The following CNTN4 variants were observed in gnomAD, a reference collection of about 807,000 sequenced individuals.
The protein encoded by CNTN4 is contactin 4.
In CNTN4, 77 loss-of-function variants were observed where a neutral mutation model predicts 122.5. The observed-to-expected ratio is 0.63, with a 90% CI of 0.52 to 0.76. The LOEUF is 0.76. Among genes scored for constraint, CNTN4 ranks in the 30% least tolerant of loss-of-function variants. The pLI is 0.00. For missense variants in CNTN4, 1,256 were observed against 1,259.1 expected (o/e 1.00, Z 0.04); for synonymous variants, 512 against 447.0 (o/e 1.15, Z -1.83).
intron 6 of CNTN4, among the ~76,000 whole-genome samples, chr3:2,810,398 A>T (rs2092576446): frequency 6.6e-6 from 1 of 152,196 alleles, no homozygotes; most frequent in Non-Finnish European, 1.5e-5. Context: ...GCTATTTTTA[A>T]TTCTTGCCTA....
chr3:2,962,187 A>G (rs913103581), intron 13 of CNTN4, among the ~76,000 whole-genome samples: 5 of 152,240 alleles, frequency 3.3e-5, no homozygotes, highest in African/African-American at 1.2e-4. Flanking sequence ...ACTCCCAGTA[A>G]TAGAAACTTC....
chr3:2,887,141 A>G lies in CNTN4; in HGVS notation c.857A>G (p.Gln286Arg). The change falls in exon 10 of 25, where the codon CAG becomes CGG. Residue 286 changes from glutamine (Q) to arginine (R), a missense_variant. Transcript: ENST00000418658. ...SNGILEIPNF[Q>R]QEDAGLYECV... The stretch of plus-strand genomic sequence containing the variant: ...GGAATTCTTGAGATCCCTAATTTTC[A>G]GCAGGAGGATGCTGGTTTATATGAA... 6.2e-7 allele frequency: 1 copy of G among 1,614,176 alleles called. No homozygotes were observed. The highest frequency in any genetic ancestry group is 2.2e-5 in the East Asian group (1 of 44,882).
intron 4 of CNTN4, among the ~76,000 whole-genome samples, chr3:2,616,920 G>A (rs769025745): frequency 7.9e-5 from 12 of 152,042 alleles, no homozygotes; most frequent in Non-Finnish European, 1.3e-4. Context: ...AATGGTGCTG[G>A]GAAAACTGGC....
intron 4 of CNTN4, among the ~76,000 whole-genome samples, chr3:2,632,502 G>C (rs2082487735): frequency 6.6e-6 from 1 of 152,142 alleles, no homozygotes; most frequent in Non-Finnish European, 1.5e-5. Context: ...GAGGCATGAA[G>C]AGATCAAGAC....
intron 2 of CNTN4, among the ~76,000 whole-genome samples, chr3:2,205,289 A>T (rs1483925963): frequency 2.0e-5 from 3 of 150,002 alleles, no homozygotes; most frequent in Non-Finnish European, 4.4e-5. Context: ...CCAGTGAAAA[A>T]ATACAGTGAT....
chr3:2,536,343 A>G (rs1004443823), intron 3 of CNTN4, among the ~76,000 whole-genome samples: 1 of 152,168 alleles, frequency 6.6e-6, no homozygotes, highest in African/African-American at 2.4e-5. Context: ...TGAAATTTAT[A>G]GAACTGAAAT....
intron 3 of CNTN4, among the ~76,000 whole-genome samples, chr3:2,424,716 C>T (rs1009312165): frequency 1.3e-5 from 2 of 152,196 alleles, no homozygotes; most frequent in South Asian, 2.1e-4. Context: ...TCCACATCCT[C>T]TCCAGTACCT....
chr3:2,576,411 G>A (rs1233482532), intron 4 of CNTN4, among the ~76,000 whole-genome samples: 1 of 152,180 alleles, frequency 6.6e-6, no homozygotes, highest in Non-Finnish European at 1.5e-5. Flanking sequence ...ATACTATGAT[G>A]CTAATCCATA....
chr3:3,037,572 C>G (rs970504323), intron 18 of CNTN4: 3 of 512,454 alleles, frequency 5.9e-6, no homozygotes, highest in African/African-American at 5.7e-5. Flanking sequence ...GGTGCTTAGT[C>G]CTCTCAAAAG....
At chr3:3,001,264 G>T (rs929216708) in intron 14 of CNTN4, among the ~76,000 whole-genome samples, 1 of 152,160 alleles carries the variant, frequency 6.6e-6, no homozygotes, top group Non-Finnish European at 1.5e-5. Flanking sequence ...CTCTCACTAC[G>T]AAAAGAAAAA....
intron 4 of CNTN4, among the ~76,000 whole-genome samples, chr3:2,640,512 T>C (rs2082853322): frequency 6.6e-6 from 1 of 152,124 alleles, no homozygotes; most frequent in African/African-American, 2.4e-5. Context: ...AAAGAATCAG[T>C]GGTTACCTGA....
At chr3:2,640,061 T>C (rs2082834991) in intron 4 of CNTN4, among the ~76,000 whole-genome samples, 3 of 152,208 alleles carry the variant, frequency 2.0e-5, no homozygotes, top group African/African-American at 7.2e-5. Flanking sequence ...ACAAATTCTG[T>C]TTTTGTCTGG....
At chr3:2,274,350 T>G (rs535483379) in intron 2 of CNTN4, among the ~76,000 whole-genome samples, 7 of 151,420 alleles carry the variant, frequency 4.6e-5, no homozygotes, top group Non-Finnish European at 1.0e-4. Context: ...ACCACTGCAC[T>G]CCAGCCTGGA....
At chr3:2,978,415 A>T (rs75548751) in intron 13 of CNTN4, among the ~76,000 whole-genome samples, 5,220 of 152,270 alleles carry the variant, frequency 0.034, 294 homozygotes, top group African/African-American at 0.12. Context: ...AGAGAGGTTC[A>T]AGCCAGGCAT....
intron 2 of CNTN4, among the ~76,000 whole-genome samples, chr3:2,328,041 T>C (rs1345767128): frequency 6.6e-6 from 1 of 152,190 alleles, no homozygotes; most frequent in Non-Finnish European, 1.5e-5. Context: ...ACAAACAGAA[T>C]TTGCTAAGTT....
At chr3:2,214,913 G>T (rs886271940) in intron 2 of CNTN4, among the ~76,000 whole-genome samples, 1 of 152,106 alleles carries the variant, frequency 6.6e-6, no homozygotes, top group Non-Finnish European at 1.5e-5. Context: ...ATACTCTTTC[G>T]GGATTTTAAT....
At chr3:2,210,112 CA>C (rs1434056511) in intron 2 of CNTN4, among the ~76,000 whole-genome samples, 1 of 151,966 alleles carries the variant, frequency 6.6e-6, no homozygotes, top group Non-Finnish European at 1.5e-5. Flanking sequence ...TTTGTCTATC[CA>C]ATGTTGTTCA....
intron 4 of CNTN4, among the ~76,000 whole-genome samples, chr3:2,689,217 A>G (rs747165545): frequency 2.6e-5 from 4 of 152,162 alleles, no homozygotes; most frequent in Non-Finnish European, 5.9e-5. Flanking sequence ...CATTGTACAC[A>G]GAAAATGGGG....
chr3:2,613,435 T>C (rs957093650), intron 4 of CNTN4, among the ~76,000 whole-genome samples: 2 of 151,964 alleles, frequency 1.3e-5, no homozygotes, highest in African/African-American at 4.8e-5. Flanking sequence ...AAATTTTGGA[T>C]TCCAGTAGAA....
Sources: allele counts gnomAD v4.1 joint callset (sites outside exome capture counted in the v4.1 genomes callset), GRCh38; gene constraint gnomAD v4.1.1; transcripts MANE v1.5; gene names NCBI Gene and HGNC (gene_info 2026-07-23, HGNC 2026-07-21).